The following SLC39A7 variants were observed in gnomAD, a reference collection of about 807,000 sequenced individuals.
The protein encoded by SLC39A7 is solute carrier family 39 member 7.
Under a neutral mutation model 39.7 loss-of-function variants are expected in SLC39A7, and 25 were observed. The ratio of observed to expected loss-of-function variants is 0.63; its 90% confidence interval spans 0.46 to 0.88. The LOEUF (loss-of-function observed/expected upper bound fraction) is 0.88, where lower values mean the gene tolerates loss of function less well. Ranked by LOEUF, SLC39A7 falls within the 40% of genes least tolerant of loss-of-function variation. SLC39A7 has a pLI of 0.00. For missense variants in SLC39A7, 501 were observed against 592.1 expected (o/e 0.85, Z 1.60); for synonymous variants, 181 against 234.1 (o/e 0.77, Z 2.07).
At chr6:33,202,841 T>C (rs1313205772) in intron 5 of SLC39A7, 69 bp from the exon 6 acceptor site, 12 of 1,573,724 alleles carry the variant, frequency 7.6e-6, no homozygotes, top group South Asian at 1.1e-5. Context: ...GGTGTGAGAA[T>C]AGCTGACCAA....
chr6:33,202,233 C>G (rs1268170470), intron 3 of SLC39A7, 30 bp from the exon 4 acceptor site: 1 of 1,604,198 alleles, frequency 6.2e-7, no homozygotes, highest in Non-Finnish European at 8.5e-7. Context: ...ATGCACATCT[C>G]CCTTAATGTC....
intron 2 of SLC39A7, 44 bp from the exon 3 acceptor site, chr6:33,202,028 T>C (rs759308086): frequency 4.9e-5 from 78 of 1,597,492 alleles, no homozygotes; most frequent in Non-Finnish European, 6.2e-5. Context: ...TACACACTCA[T>C]TGTGTCAGAT....
Position 33,200,914 on chromosome 6 carries a change from G to A in SLC39A7, c.-332G>A, listed in dbSNP as rs773582807. On this transcript the variant is annotated 5_prime_UTR_variant, in exon 1 of 7. Coordinates refer to ENST00000374677, the MANE Select transcript of SLC39A7 (RefSeq NM_006979.3). The surrounding 1 kb of genome is among the most constrained non-coding windows in gnomAD (Gnocchi z 6.3). ...CGGGACTGCCACGTCCAAGCAAACC[G>A]GGAAAGGAGAGGATCCCGGAGCCGG... The A allele has an allele frequency of 1.7e-6, 2 of 1,179,186 alleles. No individual in the cohort carries two copies. Among genetic ancestry groups the A allele is most frequent in the Admixed American group, 2.0e-5 (1 of 49,532 alleles). 73.0% of individuals were successfully genotyped at this position (1,179,186 alleles called of 1,614,324 possible). A position where few individuals can be genotyped will look rare whatever the true frequency, so the allele number is the denominator to read the frequency against.
At chr6:33,203,151 C>T (rs761705677) in intron 6 of SLC39A7, 45 bp downstream of exon 6, 1 of 1,484,372 alleles carries the variant, frequency 6.7e-7, no homozygotes, top group Admixed American at 2.2e-5. Context: ...CCCTTTATCT[C>T]TCCTCACTCA....
Position 33,201,908 on chromosome 6 carries a change from C to T in SLC39A7, c.575C>T (p.Ala192Val). 6.2e-7 allele frequency: 1 copy of T among 1,612,808 alleles called. No homozygotes were observed. Among genetic ancestry groups the T allele is most frequent in the Non-Finnish European group, 8.5e-7 (1 of 1,179,960 alleles). Reference sequence around the variant, plus strand: ...GCTTTCCTGCACCTCATTCCTCATGCTCTTGGTAAGTAACCTCTGACTTCT... The same window carrying T: ...GCTTTCCTGCACCTCATTCCTCATGTTCTTGGTAAGTAACCTCTGACTTCT... ...GDAFLHLIPH[A>V]LEPHSHHTLE... is the part of the protein sequence containing the mutation. The change falls in exon 2 of 7, where the codon GCT (alanine) becomes GTT (valine). Residue 192 changes from alanine (A) to valine (V), a missense_variant. By Grantham distance (64) the Ala-to-Val change is moderately conservative. Coordinates refer to ENST00000374677, the MANE Select transcript of SLC39A7 (RefSeq NM_006979.3). The surrounding 1 kb of genome is among the most constrained non-coding windows in gnomAD (Gnocchi z 5.9).
Position 33,201,733 on chromosome 6 carries a change from C to G in SLC39A7, c.412-12C>G. 6.2e-7 allele frequency: 1 copy of G among 1,614,038 alleles called. No individual in the cohort carries two copies. Among genetic ancestry groups the G allele is most frequent in the Non-Finnish European group, 8.5e-7 (1 of 1,179,978 alleles). Reference sequence around the variant, plus strand: ...AACTCCACAGTACTTGACCTTGACTCTCCCTCACCAGGCACTGGGGGCCAC... The same window carrying G: ...AACTCCACAGTACTTGACCTTGACTGTCCCTCACCAGGCACTGGGGGCCAC... On this transcript the variant is annotated splice_polypyrimidine_tract_variant and intron_variant, in intron 1 of 6. Coordinates refer to ENST00000374677, the MANE Select transcript of SLC39A7 (RefSeq NM_006979.3). This position sits in a 1 kb window ranked among gnomAD's most constrained non-coding sequence, Gnocchi z 5.9.
At chr6:33,203,226 G>A (rs774927569) in intron 6 of SLC39A7, 120 bp downstream of exon 6, 15 of 893,130 alleles carry the variant, frequency 1.7e-5, no homozygotes, top group Non-Finnish European at 2.4e-5. Flanking sequence ...AAGTCCTCTA[G>A]AAATGAGGGG....
chr6:33,202,194 C>G, intron 3 of SLC39A7, 69 bp downstream of exon 3: 1 of 1,593,028 alleles, frequency 6.3e-7, no homozygotes, highest in Non-Finnish European at 8.6e-7. Context: ...TATTCCTCAC[C>G]TCCCGCACTT....
rs1394184391 is a variant in SLC39A7 at position 33,203,829 on chromosome 6, C to T, written c.*16C>T. The stretch of plus-strand genomic sequence containing the variant: ...CCTTGAGTGAGGGGTGGATAAACTA[C>T]CCCTGCCCCAAACCTCTACCCCTAA... On this transcript the variant is annotated 3_prime_UTR_variant, in exon 7 of 7. Transcript: ENST00000374677. The T allele has an allele frequency of 1.9e-6, 3 of 1,612,600 alleles. No homozygotes were observed. The African/African-American group carries it at 4.0e-5, about 22-fold the overall frequency.
intron 6 of SLC39A7, 81 bp from the exon 7 acceptor site, chr6:33,203,459 AC>A: frequency 7.0e-7 from 1 of 1,431,298 alleles, no homozygotes; most frequent in Non-Finnish European, 9.7e-7. Flanking sequence ...TGTCCCCTAT[AC>A]CTATACCCCA....
chr6:33,202,027 A>C (rs1774619382), intron 2 of SLC39A7, 45 bp from the exon 3 acceptor site: 2 of 1,603,846 alleles, frequency 1.2e-6, no homozygotes, highest in African/African-American at 2.7e-5. Flanking sequence ...ATACACACTC[A>C]TTGTGTCAGA....
intron 5 of SLC39A7, 37 bp from the exon 6 acceptor site, chr6:33,202,873 A>T: frequency 6.3e-7 from 1 of 1,590,766 alleles, no homozygotes; most frequent in Non-Finnish European, 8.5e-7. Context: ...GTGGTGATGG[A>T]AGCCTCTGAT....
At position 33,201,011 on chromosome 6, in the gene SLC39A7, G is replaced by A; in HGVS notation, c.-235G>A. On this transcript the variant is annotated 5_prime_UTR_variant, in exon 1 of 7. Transcript: ENST00000374677. This position sits in a 1 kb window ranked among gnomAD's most constrained non-coding sequence, Gnocchi z 5.9. ...TCACCTAATGAGTCGTAGAGACGAG[G>A]GCCCAGAGAGTCTGTAAAGTGGCTG... 1.3e-6 allele frequency: 1 copy of A among 765,684 alleles called. No homozygotes were observed. The highest frequency in any genetic ancestry group is 2.3e-6 in the Non-Finnish European group (1 of 432,014). 47.4% of individuals were successfully genotyped at this position (765,684 alleles called of 1,614,324 possible).
At chr6:33,202,525 G>T in intron 4 of SLC39A7, 35 bp from the exon 5 acceptor site, 1 of 1,594,542 alleles carries the variant, frequency 6.3e-7, no homozygotes, top group Middle Eastern at 1.7e-4. Context: ...TGGAAGATCT[G>T]TTCTCCACTC....
At position 33,201,689 on chromosome 6, in the gene SLC39A7, TG is replaced by T; in HGVS notation, c.411+35del. 6.2e-7 allele frequency: 1 copy of T among 1,611,308 alleles called. No individual in the cohort carries two copies. Among genetic ancestry groups the T allele is most frequent in the Non-Finnish European group, 8.5e-7 (1 of 1,177,882 alleles). ...TCCAGGGGATGGGAGAGAGAAGGGC[TG>T]GTTCTGGATTGTTGGGAAACTCCAC... On this transcript the variant is annotated intron_variant, in intron 1 of 6. Transcript: ENST00000374677. This position sits in a 1 kb window ranked among gnomAD's most constrained non-coding sequence, Gnocchi z 5.9.
At position 33,204,065 on chromosome 6, in the gene SLC39A7, C is replaced by T. The variant is rs1774826223; in HGVS notation, c.*252C>T. ...GTTGCATTTGGAAGGCTAAATGGGG[C>T]CATGAAGAAGGCTGGAAGGGACAGG... On this transcript the variant is annotated 3_prime_UTR_variant, in exon 7 of 7. Coordinates refer to ENST00000374677, the MANE Select transcript of SLC39A7 (RefSeq NM_006979.3). 5.1e-6 allele frequency: 3 copies of T among 589,474 alleles called. No individual in the cohort carries two copies. The highest frequency in any genetic ancestry group is 9.1e-6 in the Non-Finnish European group (3 of 331,292). The allele number at this position is 589,474 out of a possible 1,614,324, so 36.5% of individuals were successfully genotyped here. A position where few individuals can be genotyped will look rare whatever the true frequency, so the allele number is the denominator to read the frequency against.
chr6:33,203,784 A>T lies in SLC39A7; in HGVS notation c.1381A>T (p.Met461Leu), dbSNP rs751680391. ...GCTGGGGCTGCTGGGGGGAGTTATC[A>T]TGATGGTGCTGATTGCCCACCTTGA... ...EVLGLLGGVI[M>L]MVLIAHLE The change falls in exon 7 of 7, where the codon ATG (methionine) becomes TTG (leucine). Residue 461 changes from methionine (M) to leucine (L), a missense_variant. Coordinates refer to ENST00000374677, the MANE Select transcript of SLC39A7 (RefSeq NM_006979.3). The T allele has an allele frequency of 6.2e-7, 1 of 1,614,152 alleles. No individual in the cohort carries two copies. Among genetic ancestry groups the T allele is most frequent in the Non-Finnish European group, 8.5e-7 (1 of 1,180,022 alleles).
chr6:33,202,213 G>A lies in SLC39A7; in HGVS notation c.635-50G>A, dbSNP rs1043957427. The A allele has an allele frequency of 3.8e-6, 6 of 1,599,430 alleles. No individual in the cohort carries two copies. The African/African-American group carries it at 5.4e-5, about 14-fold the overall frequency. ...CCTCACCTCCCGCACTTGAGGAGGA[G>A]GAGTCTGGAATGCACATCTCCCTTA... On this transcript the variant is annotated intron_variant, in intron 3 of 6. Coordinates refer to ENST00000374677, the MANE Select transcript of SLC39A7 (RefSeq NM_006979.3).
At chr6:33,203,194 A>G in intron 6 of SLC39A7, 88 bp downstream of exon 6, 1 of 1,125,670 alleles carries the variant, frequency 8.9e-7, no homozygotes, top group Non-Finnish European at 1.3e-6. Context: ...ATTAGTTCCA[A>G]ACAATTCATA....
Sources: allele counts gnomAD v4.1 joint callset, GRCh38; gene constraint gnomAD v4.1.1; non-coding constraint Gnocchi (gnomAD v3.1); transcripts MANE v1.5; gene names NCBI Gene and HGNC (gene_info 2026-07-23, HGNC 2026-07-21).